Variants in NLGN1 observed in about 807,000 individuals in gnomAD.
NLGN1 encodes neuroligin-1.
In NLGN1, 12 loss-of-function variants were observed where a neutral mutation model predicts 65.5. The observed-to-expected ratio is 0.18, with a 90% CI of 0.12 to 0.30. The LOEUF is 0.30. Among genes scored for constraint, NLGN1 ranks in the 10% least tolerant of loss-of-function variants. NLGN1 has a pLI of 1.00. For synonymous variants in NLGN1, 350 were observed against 359.5 expected (o/e 0.97, Z 0.30); for missense variants, 750 against 1,007.1 (o/e 0.74, Z 3.46).
chr3:173,777,614 TGTC>T (rs2150301503), intron 3 of NLGN1, among the ~76,000 whole-genome samples: 1 of 118,942 alleles, frequency 8.4e-6, no homozygotes, highest in Admixed American at 7.5e-5. Context: ...GTATTCTGTC[TGTC>T]TGTCTGTCTG....
rs559221648 is a variant in NLGN1, at chr3:173,685,560, A to G, written c.493+80469A>G. 5 of 766,362 alleles carry G rather than the reference A, an allele frequency of 6.5e-6. No individual in the cohort carries two copies. The East Asian group carries it at 6.4e-4, about 98-fold the overall frequency. The allele number at this position is 766,362 out of a possible 1,614,324, so 47.5% of individuals were successfully genotyped here. On this transcript the variant is annotated intron_variant, in intron 3 of 6. Transcript: ENST00000457714. ...CTGCATAGAACAAGGGCTGCCAGGC[A>G]GTCATCAAATCCCAGGAAAAGAGGT...
chr3:174,096,170 A>G (rs1745484496), intron 4 of NLGN1, among the ~76,000 whole-genome samples: 1 of 150,538 alleles, frequency 6.6e-6, no homozygotes, highest in Non-Finnish European at 1.5e-5. Context: ...AATTAATGTG[A>G]TATGTGTGTA....
At chr3:174,225,840 T>TG (rs145910249) in intron 4 of NLGN1, among the ~76,000 whole-genome samples, 18,330 of 152,162 alleles carry the variant, frequency 0.12, 1,258 homozygotes, top group Admixed American at 0.16. Flanking sequence ...TTGGAGTATT[T>TG]GGGGGGTTTT....
At chr3:173,912,424 C>T (rs1163896950) in intron 4 of NLGN1, 1 of 152,132 alleles carries the variant, frequency 6.6e-6, no homozygotes, top group Admixed American at 6.6e-5. Context: ...AAGTATTTTT[C>T]CTCTATGAGC....
intron 3 of NLGN1, among the ~76,000 whole-genome samples, chr3:173,729,074 C>T (rs773298920): frequency 3.3e-5 from 5 of 151,988 alleles, no homozygotes; most frequent in Non-Finnish European, 7.4e-5. Context: ...TTGTCATATA[C>T]TTTTAAAATG....
chr3:173,961,886 G>T lies in NLGN1; in HGVS notation c.646+154054G>T, dbSNP rs547978207. On this transcript the variant is annotated intron_variant, in intron 4 of 6. Transcript: ENST00000457714. Reference sequence around the variant, plus strand: ...CAGGGAGGTCTCTCCTGCCTACTCAGCTCTCCCCACAAAAATAACTCTGGA... The same window carrying T: ...CAGGGAGGTCTCTCCTGCCTACTCATCTCTCCCCACAAAAATAACTCTGGA... Among the ~76,000 whole-genome samples the T allele has an allele frequency of 2.6e-5, 4 of 151,992 alleles. No individual in the cohort carries two copies. The South Asian group carries it at 8.3e-4, about 32-fold the overall frequency.
chr3:173,690,786 A>G (rs540732887), intron 3 of NLGN1, among the ~76,000 whole-genome samples: 4 of 152,318 alleles, frequency 2.6e-5, no homozygotes, highest in Admixed American at 1.3e-4. Context: ...TAAAAAGTGC[A>G]AGATACATAG....
intron 3 of NLGN1, among the ~76,000 whole-genome samples, chr3:173,775,112 C>A (rs1780113923): frequency 2.0e-5 from 3 of 151,988 alleles, no homozygotes; most frequent in African/African-American, 4.8e-5. Flanking sequence ...CATCAAAATG[C>A]AAATTAGTAC....
At chr3:173,449,659 G>C (rs1196140696) in intron 2 of NLGN1, among the ~76,000 whole-genome samples, 1 of 152,020 alleles carries the variant, frequency 6.6e-6, no homozygotes, top group Non-Finnish European at 1.5e-5. Flanking sequence ...TGTTGACAGT[G>C]GGGTGTTAAA....
chr3:174,085,559 A>G (rs1475651158), intron 4 of NLGN1, among the ~76,000 whole-genome samples: 1 of 152,078 alleles, frequency 6.6e-6, no homozygotes, highest in Admixed American at 6.6e-5. Context: ...TTTTCAAATT[A>G]GACCTTGTAT....
chr3:173,948,307 GAACAC>G (rs1395290436), intron 4 of NLGN1, among the ~76,000 whole-genome samples: 1 of 152,186 alleles, frequency 6.6e-6, no homozygotes, highest in African/African-American at 2.4e-5. Flanking sequence ...ACAGGGTCAA[GAACAC>G]AAGGCATGTA....
intron 4 of NLGN1, among the ~76,000 whole-genome samples, chr3:174,040,093 C>T (rs535286794): frequency 6.6e-6 from 1 of 152,156 alleles, no homozygotes; most frequent in African/African-American, 2.4e-5. Context: ...CATTTGGCTC[C>T]CCACTATTGA....
chr3:173,992,452 A>G (rs1459722547), intron 4 of NLGN1, among the ~76,000 whole-genome samples: 1 of 152,154 alleles, frequency 6.6e-6, no homozygotes, highest in African/African-American at 2.4e-5. Flanking sequence ...TGGCTAAGAA[A>G]TGTCTGATTC....
rs554685431 is a variant in NLGN1, at chr3:173,931,995, T to A, written c.646+124163T>A. On this transcript the variant is annotated intron_variant, in intron 4 of 6. Transcript: ENST00000457714. ...GATGACTTTAAGGTGTTTTTCTGTT[T>A]TGTTTTGTTTTAATTTTTTTTCTGT... Among the ~76,000 whole-genome samples the A allele has an allele frequency of 8.5e-4, 129 of 152,216 alleles. No homozygotes were observed. In the South Asian group the frequency reaches 9.7e-3, roughly 11 times the overall value.
At chr3:173,569,913 T>G (rs954742241) in intron 2 of NLGN1, among the ~76,000 whole-genome samples, 2 of 152,254 alleles carry the variant, frequency 1.3e-5, no homozygotes, top group East Asian at 3.8e-4. Flanking sequence ...ATTCATTCAT[T>G]CATGCATTTC....
intron 3 of NLGN1, among the ~76,000 whole-genome samples, chr3:173,652,254 A>G (rs1461161842): frequency 6.6e-6 from 1 of 152,164 alleles, no homozygotes; most frequent in Non-Finnish European, 1.5e-5. Context: ...TTTGCTGTGC[A>G]GGAACTTTTA....
intron 2 of NLGN1, among the ~76,000 whole-genome samples, chr3:173,590,583 T>C (rs548077410): frequency 6.6e-6 from 1 of 152,278 alleles, no homozygotes; most frequent in East Asian, 1.9e-4. Flanking sequence ...TAACTGGAAA[T>C]CAATAAACGT....
intron 4 of NLGN1, among the ~76,000 whole-genome samples, chr3:174,018,792 G>T (rs1650522353): frequency 6.6e-6 from 1 of 152,058 alleles, no homozygotes; most frequent in Admixed American, 6.6e-5. Context: ...AGTTGATACT[G>T]CCTTGATTAA....
intron 3 of NLGN1, among the ~76,000 whole-genome samples, chr3:173,616,002 G>A (rs9827963): frequency 2.0e-5 from 3 of 152,050 alleles, no homozygotes; most frequent in African/African-American, 4.8e-5. Flanking sequence ...ACTGTCTTGT[G>A]GGGGAGGCAG....
Sources: allele counts gnomAD v4.1 joint callset (sites outside exome capture counted in the v4.1 genomes callset), GRCh38; gene constraint gnomAD v4.1.1; transcripts MANE v1.5; gene names NCBI Gene and HGNC (gene_info 2026-07-23, HGNC 2026-07-21).